NDST4: variants seen among roughly 807,000 people sequenced by gnomAD.
The protein encoded by NDST4 is N-heparan sulfate sulfotransferase 4.
In NDST4, 63 loss-of-function variants were observed where a neutral mutation model predicts 100.8. That is an observed-to-expected ratio of 0.62 (90% CI 0.51 to 0.77). NDST4 has a LOEUF of 0.77. Among genes scored for constraint, NDST4 ranks in the 30% least tolerant of loss-of-function variants. The pLI, the probability that NDST4 is intolerant of heterozygous loss-of-function variation, is 0.00. For missense variants in NDST4, 943 were observed against 1,018.4 expected, an observed-to-expected ratio of 0.93 and a Z score of 1.01; for synonymous variants, 377 against 361.8, an observed-to-expected ratio of 1.04 and a Z score of -0.48.
chr4:114,934,641 G>A (rs1725588589), intron 6 of NDST4, among the ~76,000 whole-genome samples: 1 of 151,850 alleles, frequency 6.6e-6, no homozygotes, highest in African/African-American at 2.4e-5. Flanking sequence ...AGTGGCTGGG[G>A]GAAAGTTCGT....
chr4:114,928,895 T>C (rs1185423351), intron 6 of NDST4, among the ~76,000 whole-genome samples: 1 of 152,092 alleles, frequency 6.6e-6, no homozygotes. Context: ...GGACTGGAAC[T>C]ATACCATCAG....
In NDST4 at chr4:115,077,081, T is replaced by C; in HGVS notation, c.-45A>G. The C allele has an allele frequency of 6.6e-7, 1 of 1,516,058 alleles. No individual in the cohort carries two copies. The highest frequency in any genetic ancestry group is 8.9e-7 in the Non-Finnish European group (1 of 1,128,486). 93.9% of individuals were successfully genotyped at this position (1,516,058 alleles called of 1,614,324 possible). A position where few individuals can be genotyped will look rare whatever the true frequency, so the allele number is the denominator to read the frequency against. On this transcript the variant is annotated 5_prime_UTR_variant, in exon 2 of 14. It removes the in-frame stop codon of an upstream open reading frame in the 5' UTR. Coordinates refer to ENST00000264363, the MANE Select transcript of NDST4 (RefSeq NM_022569.3). ...GAAGCTTTTTCCCAATTTCGTTTCC[T>C]AAAGTGCCATAGTGAATAAAGTATG...
chr4:115,107,137 C>T (rs1403683385), intron 1 of NDST4, among the ~76,000 whole-genome samples: 1 of 151,802 alleles, frequency 6.6e-6, no homozygotes, highest in Non-Finnish European at 1.5e-5. Flanking sequence ...ACCCTGGGTG[C>T]CAGACAGTGC....
At chr4:114,829,981 T>C (rs1398950497) in intron 12 of NDST4, 89 bp from the exon 13 acceptor site, 2 of 861,126 alleles carry the variant, frequency 2.3e-6, no homozygotes, top group Non-Finnish European at 3.7e-6. Context: ...AATGTATTTT[T>C]GTATGCCCAC....
At chr4:114,945,484 A>G (rs531548412) in intron 4 of NDST4, among the ~76,000 whole-genome samples, 1 of 152,164 alleles carries the variant, frequency 6.6e-6, no homozygotes, top group Non-Finnish European at 1.5e-5. Context: ...TGCTTGGTAC[A>G]TTGTTGGTAT....
chr4:114,855,789 A>C (rs562982748), intron 7 of NDST4, among the ~76,000 whole-genome samples: 4 of 152,114 alleles, frequency 2.6e-5, no homozygotes, highest in Admixed American at 2.6e-4. Flanking sequence ...TTTTAGGATT[A>C]TTTTTTATAT....
chr4:114,894,031 T>C (rs12645885), intron 6 of NDST4, among the ~76,000 whole-genome samples: 34,441 of 151,942 alleles, frequency 0.23, 5,605 homozygotes, highest in African/African-American at 0.47. Flanking sequence ...TCAGGTTTGT[T>C]GAAGATCAGA....
In NDST4 at chr4:114,970,565, T is replaced by C. The variant is rs199652665; in HGVS notation, c.1086A>G (p.Glu362=). The change falls in exon 4 of 14, where the codon GAA becomes GAG. Residue 362 remains glutamate, a synonymous_variant. Coordinates refer to ENST00000264363, the MANE Select transcript of NDST4 (RefSeq NM_022569.3). ...FYHTGTEEED[E]GDDLLLRSVD... ...CAGACCGAAGTAAAAGGTCATCTCC[T>C]TCATCTTCCTCTTCAGTCCCTTTAA... The C allele has an allele frequency of 6.2e-7, 1 of 1,613,492 alleles. No individual in the cohort carries two copies.
At chr4:114,930,811 T>C (rs1037780686) in intron 6 of NDST4, among the ~76,000 whole-genome samples, 2 of 152,142 alleles carry the variant, frequency 1.3e-5, no homozygotes, top group African/African-American at 4.8e-5. Flanking sequence ...TATTATATAA[T>C]GTTGGGATTC....
intron 2 of NDST4, among the ~76,000 whole-genome samples, chr4:114,980,698 T>C (rs1459698965): frequency 6.6e-6 from 1 of 150,600 alleles, no homozygotes; most frequent in Non-Finnish European, 1.5e-5. Flanking sequence ...TTTAGAGCTT[T>C]GACAATATAC....
At chr4:114,929,117 T>TATCTATCTATCC (rs1560817148) in intron 6 of NDST4, among the ~76,000 whole-genome samples, 3 of 111,152 alleles carry the variant, frequency 2.7e-5, no homozygotes, top group African/African-American at 1.0e-4. Flanking sequence ...TCCATCCATC[T>TATCTATCTATCC]ATCTATCTAT....
intron 1 of NDST4, among the ~76,000 whole-genome samples, chr4:115,108,301 CAAG>C (rs1057474541): frequency 2.6e-5 from 4 of 151,890 alleles, no homozygotes; most frequent in South Asian, 2.1e-4. Context: ...TTCAATACAT[CAAG>C]AAGAAGAAGA....
At chr4:114,928,080 A>T (rs1440796237) in intron 6 of NDST4, among the ~76,000 whole-genome samples, 1 of 152,222 alleles carries the variant, frequency 6.6e-6, no homozygotes, top group Non-Finnish European at 1.5e-5. Flanking sequence ...AACATTCTTC[A>T]GAGTCAGCAT....
At chr4:114,865,239 AT>A (rs1724002771) in intron 7 of NDST4, among the ~76,000 whole-genome samples, 1 of 151,734 alleles carries the variant, frequency 6.6e-6, no homozygotes, top group Non-Finnish European at 1.5e-5. Context: ...TAATTTTTGT[AT>A]TTTTAGTAGA....
At chr4:114,996,926 C>T (rs1727178119) in intron 2 of NDST4, among the ~76,000 whole-genome samples, 1 of 152,046 alleles carries the variant, frequency 6.6e-6, no homozygotes, top group Non-Finnish European at 1.5e-5. Context: ...CTTACTTTTA[C>T]TCAAATGAGT....
chr4:114,857,370 G>C (rs1359135513), intron 7 of NDST4, among the ~76,000 whole-genome samples: 1 of 152,168 alleles, frequency 6.6e-6, no homozygotes, highest in African/African-American at 2.4e-5. Flanking sequence ...GGTATGTCCA[G>C]CAACAATTCA....
At chr4:115,057,825 A>G (rs556653914) in intron 2 of NDST4, among the ~76,000 whole-genome samples, 1 of 152,248 alleles carries the variant, frequency 6.6e-6, no homozygotes, top group South Asian at 2.1e-4. Context: ...TTAATAGATT[A>G]AATCATATTC....
intron 6 of NDST4, among the ~76,000 whole-genome samples, chr4:114,934,677 T>C (rs1725589645): frequency 6.6e-6 from 1 of 152,064 alleles, no homozygotes. Flanking sequence ...TCCAGTTAGA[T>C]GGGATGAATA....
chr4:115,062,269 T>C (rs1288331977), intron 2 of NDST4, among the ~76,000 whole-genome samples: 2 of 152,056 alleles, frequency 1.3e-5, no homozygotes, highest in Middle Eastern at 3.4e-3. Flanking sequence ...TGCAAATAAC[T>C]CATAAAGATT....
Sources: gnomAD v4.1 joint callset for allele counts (sites outside exome capture counted in the v4.1 genomes callset) on GRCh38, gnomAD v4.1.1 for gene constraint, MANE v1.5 for transcripts, NCBI Gene and HGNC (gene_info 2026-07-23, HGNC 2026-07-21) for gene names.